The following SPDEF variants were observed in gnomAD, a reference collection of about 807,000 sequenced individuals.
The protein encoded by SPDEF is SAM pointed domain containing ETS transcription factor.
A neutral mutation model predicts 36.0 loss-of-function variants in SPDEF; 12 were observed. That is an observed-to-expected ratio of 0.33 (90% CI 0.21 to 0.54). The LOEUF (loss-of-function observed/expected upper bound fraction) is 0.54. Ranked by LOEUF, SPDEF falls within the 20% of genes least tolerant of loss-of-function variation. The pLI, the probability that SPDEF is intolerant of heterozygous loss-of-function variation, is 0.93. For missense variants in SPDEF, 388 were observed against 456.9 expected (o/e 0.85, Z 1.37); for synonymous variants, 205 against 193.0 (o/e 1.06, Z -0.51).
At position 34,546,076 on chromosome 6, in the gene SPDEF, G is replaced by A. The variant is rs533276849; in HGVS notation, c.-29-1592C>T. Among the ~76,000 whole-genome samples the A allele has an allele frequency of 3.9e-5, 6 of 152,236 alleles. No homozygotes were observed. The South Asian group carries it at 1.2e-3, about 32-fold the overall frequency. ...GGCAAGTTAATTTGTGTCCTTTCTC[G>A]AGGGTTATTTATAGTTTCAAGCAGT... On this transcript the variant is annotated intron_variant, in intron 1 of 5. Coordinates refer to ENST00000374037, the MANE Select transcript of SPDEF (RefSeq NM_012391.3).
Position 34,539,608 on chromosome 6 carries a change from G to A in SPDEF, c.635-46C>T, listed in dbSNP as rs201764022. The A allele has an allele frequency of 1.7e-3, 2,586 of 1,547,788 alleles. 7 individuals carry two copies. The highest frequency in any genetic ancestry group is 1.7e-3 in the Non-Finnish European group (1,936 of 1,145,490). ...GTTGGGGACCCAGGAGAGGCCCCGA[G>A]GGTGGAGGAGGGGAGGCGTTTGGGT... On this transcript the variant is annotated intron_variant, in intron 3 of 5. Transcript: ENST00000374037. This position sits in a 1 kb window ranked among gnomAD's most constrained non-coding sequence, Gnocchi z 5.2.
chr6:34,546,590 A>G (rs1417106437), intron 1 of SPDEF, among the ~76,000 whole-genome samples: 4 of 152,172 alleles, frequency 2.6e-5, no homozygotes, highest in African/African-American at 9.7e-5. Context: ...AGCTTGACGA[A>G]TGGAGCCTAG....
chr6:34,541,568 T>C, intron 2 of SPDEF, among the ~76,000 whole-genome samples: 1 of 152,134 alleles, frequency 6.6e-6, no homozygotes, highest in South Asian at 2.1e-4. Context: ...TTCTTGCCTT[T>C]CCCAAACCCC....
At chr6:34,542,607 G>A (rs754333698) in intron 2 of SPDEF, among the ~76,000 whole-genome samples, 6 of 152,210 alleles carry the variant, frequency 3.9e-5, no homozygotes, top group Admixed American at 1.3e-4. Context: ...ACTGCTTTTC[G>A]GCCCAGAGAG....
intron 1 of SPDEF, among the ~76,000 whole-genome samples, chr6:34,545,923 A>C (rs900008942): frequency 6.6e-6 from 1 of 151,968 alleles, no homozygotes; most frequent in Non-Finnish European, 1.5e-5. Context: ...GAAAAAAAAA[A>C]CAAAACACAC....
chr6:34,553,038 C>T (rs540697267), intron 1 of SPDEF, among the ~76,000 whole-genome samples: 2 of 152,254 alleles, frequency 1.3e-5, no homozygotes, highest in South Asian at 2.1e-4. Context: ...CTCCCCTGTG[C>T]CAGAGCTAGA....
chr6:34,542,924 T>A (rs900688019), intron 2 of SPDEF, among the ~76,000 whole-genome samples: 1 of 142,012 alleles, frequency 7.0e-6, no homozygotes, highest in African/African-American at 2.6e-5. Flanking sequence ...CTGGGCGCGG[T>A]GGCTCACGCT....
At position 34,544,438 on chromosome 6, in the gene SPDEF, C is replaced by T. The variant is rs780359324; in HGVS notation, c.18G>A (p.Pro6=). 28 of 1,557,260 alleles carry T rather than the reference C, an allele frequency of 1.8e-5. No individual in the cohort carries two copies. The highest frequency in any genetic ancestry group is 9.3e-5 in the Admixed American group (5 of 53,630). MGSAS[P]GLSSVSPSHL... is the part of the protein sequence containing the mutation. ...GGCTGGGGGATACGCTGCTCAGACCCGGGCTGGCGCTGCCCATGCCGCTGC... is the reference window on the plus strand; with the variant it reads ...GGCTGGGGGATACGCTGCTCAGACCTGGGCTGGCGCTGCCCATGCCGCTGC... Residue 6 remains proline (P), a synonymous_variant, in exon 2 of 6, where the codon CCG becomes CCA. Transcript: ENST00000374037. This position sits in a 1 kb window ranked among gnomAD's most constrained non-coding sequence, Gnocchi z 4.4.
intron 3 of SPDEF, 120 bp downstream of exon 3, chr6:34,540,864 G>T: frequency 1.1e-6 from 1 of 884,630 alleles, no homozygotes; most frequent in Non-Finnish European, 1.7e-6. Flanking sequence ...CTGAGATTCA[G>T]AGTGGAGTCC....
Position 34,538,238 on chromosome 6 carries a change from C to G in SPDEF, c.*36G>C, listed in dbSNP as rs1220458396. On this transcript the variant is annotated 3_prime_UTR_variant, in exon 6 of 6. Coordinates refer to ENST00000374037, the MANE Select transcript of SPDEF (RefSeq NM_012391.3). This position sits in a 1 kb window ranked among gnomAD's most constrained non-coding sequence, Gnocchi z 5.9. ...TGAGGCAGGGCAGGCAGGAGAGAGG[C>G]CCCTGAGGGCGGGTTTCAGGCCCTG... The G allele has an allele frequency of 6.3e-7, 1 of 1,594,202 alleles. No homozygotes were observed. The highest frequency in any genetic ancestry group is 1.3e-5 in the African/African-American group (1 of 74,636).
intron 2 of SPDEF, among the ~76,000 whole-genome samples, chr6:34,542,880 C>A (rs1256299145): frequency 1.5e-5 from 2 of 131,446 alleles, no homozygotes; most frequent in African/African-American, 3.2e-5. Context: ...TAGAGCGAGA[C>A]CCTGTCAAAA....
chr6:34,547,080 C>T (rs148699271), intron 1 of SPDEF, among the ~76,000 whole-genome samples: 1,828 of 151,512 alleles, frequency 0.012, 14 homozygotes, highest in Non-Finnish European at 0.017. Context: ...ATGCCTGCCA[C>T]GTTAGGACAG....
At position 34,538,275 on chromosome 6, in the gene SPDEF, C is replaced by T; in HGVS notation, c.1007G>A (p.Ter336=). 1 of 1,613,054 alleles carries T rather than the reference C, an allele frequency of 6.2e-7. No individual in the cohort carries two copies. ...GGTTTCAGGCCCTGGGCCAGGCACT[C>T]AGATGGGGTGCACGAACTGGTAGAC... ...RLVYQFVHPI[*] The change falls in exon 6 of 6, where the codon TGA becomes TAA. Residue 336 remains the stop codon, a stop_retained_variant. Transcript: ENST00000374037. The surrounding 1 kb of genome is among the most constrained non-coding windows in gnomAD (Gnocchi z 5.9).
intron 1 of SPDEF, among the ~76,000 whole-genome samples, chr6:34,547,229 G>A (rs7759185): frequency 0.025 from 3,860 of 152,242 alleles, 138 homozygotes; most frequent in African/African-American, 0.084. Context: ...TTTCAGGCAT[G>A]GTTGTGTGGG....
At chr6:34,553,133 C>T (rs986152031) in intron 1 of SPDEF, among the ~76,000 whole-genome samples, 7 of 152,144 alleles carry the variant, frequency 4.6e-5, no homozygotes, top group Non-Finnish European at 1.0e-4. Flanking sequence ...CCAGCAGAGT[C>T]ACACTAAGGT....
At chr6:34,546,973 G>A (rs931005490) in intron 1 of SPDEF, among the ~76,000 whole-genome samples, 13 of 151,624 alleles carry the variant, frequency 8.6e-5, no homozygotes, top group African/African-American at 3.1e-4. Context: ...CTACCCGCTA[G>A]GTGGCTCCAC....
intron 2 of SPDEF, among the ~76,000 whole-genome samples, 167 bp downstream of exon 2, chr6:34,543,853 G>C (rs142102867): frequency 6.6e-6 from 1 of 152,282 alleles, no homozygotes; most frequent in Non-Finnish European, 1.5e-5. Context: ...AACCTTCCTG[G>C]CCCAGGCTCA....
At chr6:34,541,445 C>T (rs1194796592) in intron 2 of SPDEF, among the ~76,000 whole-genome samples, 2 of 152,188 alleles carry the variant, frequency 1.3e-5, no homozygotes, top group East Asian at 1.9e-4. Flanking sequence ...CTCACCCAGG[C>T]CTTGGGTCCT....
In SPDEF at chr6:34,538,527, G is replaced by C; in HGVS notation, c.830-75C>G. On this transcript the variant is annotated intron_variant, in intron 5 of 5. Coordinates refer to ENST00000374037, the MANE Select transcript of SPDEF (RefSeq NM_012391.3). This position sits in a 1 kb window ranked among gnomAD's most constrained non-coding sequence, Gnocchi z 5.9. ...GAAGGAGAAAGACGCAGACCACCAG[G>C]TCAGCCTCGTGGCGAACCAAGGGAC... 2 of 1,477,104 alleles carry C rather than the reference G, an allele frequency of 1.4e-6. No homozygotes were observed. Among genetic ancestry groups the C allele is most frequent in the Non-Finnish European group, 1.8e-6 (2 of 1,091,030 alleles). 91.5% of individuals were successfully genotyped at this position (1,477,104 alleles called of 1,614,324 possible).
Sources: allele counts gnomAD v4.1 joint callset (sites outside exome capture counted in the v4.1 genomes callset), GRCh38; gene constraint gnomAD v4.1.1; non-coding constraint Gnocchi (gnomAD v3.1); transcripts MANE v1.5; gene names NCBI Gene and HGNC (gene_info 2026-07-23, HGNC 2026-07-21).